The following DENND4A variants were observed in gnomAD, a reference collection of about 807,000 sequenced individuals.
DENND4A encodes C-myc promoter-binding protein.
DENND4A carries 70 observed loss-of-function variants against 199.3 expected under a neutral mutation model. That is an observed-to-expected ratio of 0.35 (90% CI 0.29 to 0.43). The LOEUF is 0.43. Among genes scored for constraint, DENND4A ranks in the 20% least tolerant of loss-of-function variants. The pLI, the probability that DENND4A is intolerant of heterozygous loss-of-function variation, is 1.00. For missense variants in DENND4A, 1,723 were observed against 2,255.8 expected (o/e 0.76, Z 4.78); for synonymous variants, 686 against 766.9 (o/e 0.89, Z 1.74).
At chr15:65,674,815 T>A (rs1371437793) in intron 24 of DENND4A, among the ~76,000 whole-genome samples, 3 of 151,984 alleles carry the variant, frequency 2.0e-5, no homozygotes, top group Non-Finnish European at 4.4e-5. Context: ...ACTTTAGAGA[T>A]ACATATTGAA....
intron 25 of DENND4A, among the ~76,000 whole-genome samples, chr15:65,670,391 A>G (rs1425889517): frequency 6.6e-6 from 1 of 152,224 alleles, no homozygotes; most frequent in African/African-American, 2.4e-5. Context: ...TGAAAGGGAA[A>G]CTTGCTTTTA....
chr15:65,716,317 C>T (rs1274895710), intron 13 of DENND4A, among the ~76,000 whole-genome samples: 7 of 151,192 alleles, frequency 4.6e-5, no homozygotes, highest in Admixed American at 4.0e-4. Context: ...CATATGTATA[C>T]ATGTGCCATG....
chr15:65,664,432 A>G, intron 31 of DENND4A, 38 bp from the exon 32 acceptor site: 2 of 1,519,258 alleles, frequency 1.3e-6, no homozygotes, highest in Non-Finnish European at 1.8e-6. Flanking sequence ...ATTAGTATCC[A>G]TATAGTCCAT....
chr15:65,690,855 C>A lies in DENND4A; in HGVS notation c.3739G>T (p.Asp1247Tyr). ...TACATCACAATTTCTTCAGCTAAAT[C>A]ACGCCTAGCAGATGGTGTTGAAATG... ...KSISTPSARRDLAEEIVMYMN... is the reference protein window; with the variant it reads ...KSISTPSARRYLAEEIVMYMN... Residue 1247 changes from aspartate (D) to tyrosine (Y), a missense_variant, in exon 23 of 33, where the codon GAT becomes TAT. This residue lies in a region of DENND4A where 650 missense variants were observed against 738.1 expected (regional missense o/e 0.88). Coordinates refer to ENST00000443035, the MANE Select transcript of DENND4A (RefSeq NM_001320835.1). The A allele has an allele frequency of 6.2e-7, 1 of 1,612,470 alleles. No homozygotes were observed. Among genetic ancestry groups the A allele is most frequent in the Non-Finnish European group, 8.5e-7 (1 of 1,179,360 alleles).
At chr15:65,739,025 G>A in intron 5 of DENND4A, 150 bp from the exon 6 acceptor site, 1 of 545,544 alleles carries the variant, frequency 1.8e-6, no homozygotes, top group East Asian at 3.3e-5. Context: ...TACTTTGGTA[G>A]GATTCATAGA....
At position 65,713,004 on chromosome 15, in the gene DENND4A, T is replaced by C. The variant is rs539551512; in HGVS notation, c.1953+2474A>G. Among the ~76,000 whole-genome samples, 21 of 152,276 alleles carry C rather than the reference T, an allele frequency of 1.4e-4. No individual in the cohort carries two copies. In the East Asian group the frequency reaches 3.9e-3, roughly 28 times the overall value. ...ACCCATCATCACCCCTGAATACTTT[T>C]ATACTTCCTACAAAGACATTCTCCT... On this transcript the variant is annotated intron_variant, in intron 14 of 32. Transcript: ENST00000443035.
intron 8 of DENND4A, among the ~76,000 whole-genome samples, chr15:65,732,498 C>G (rs528863174): frequency 2.6e-5 from 4 of 152,176 alleles, no homozygotes; most frequent in African/African-American, 9.6e-5. Flanking sequence ...GAAAAAAGTT[C>G]CTTTCTGTGT....
In DENND4A at chr15:65,732,784, G is replaced by C. The variant is rs999522415; in HGVS notation, c.1075C>G (p.Pro359Ala). The C allele has an allele frequency of 5.0e-6, 8 of 1,605,908 alleles. No homozygotes were observed. The highest frequency in any genetic ancestry group is 6.8e-6 in the Non-Finnish European group (8 of 1,173,850). Residue 359 changes from proline to alanine, a missense_variant, in exon 8 of 33, where the codon CCA becomes GCA. Pro to Ala is a conservative substitution (Grantham distance 27). Transcript: ENST00000443035. The part of the protein sequence containing the change: ...ISHFMHKVPF[P>A]SPQRPRILVQ... ...AAAATCCGTGGTCTCTGAGGAGATG[G>C]AAAAGGAACTTTATGCATAAAATGA...
chr15:65,709,109 T>C (rs1054091532), intron 14 of DENND4A, among the ~76,000 whole-genome samples: 4 of 152,226 alleles, frequency 2.6e-5, no homozygotes, highest in Non-Finnish European at 5.9e-5. Flanking sequence ...TTTAATGTTA[T>C]TTATTTTCTA....
intron 1 of DENND4A, among the ~76,000 whole-genome samples, chr15:65,768,506 T>C (rs1366417302): frequency 6.6e-6 from 1 of 152,152 alleles, no homozygotes. Context: ...CTATCTTGAA[T>C]GCTAACAGTA....
intron 1 of DENND4A, among the ~76,000 whole-genome samples, chr15:65,775,172 C>T (rs571553365): frequency 6.6e-6 from 1 of 151,824 alleles, no homozygotes; most frequent in African/African-American, 2.4e-5. Context: ...TTTGAGACCC[C>T]ATCTCTACAA....
At chr15:65,726,500 T>C (rs997126459) in intron 11 of DENND4A, among the ~76,000 whole-genome samples, 18 of 152,172 alleles carry the variant, frequency 1.2e-4, no homozygotes, top group Non-Finnish European at 7.4e-5. Context: ...GTATGTAAAA[T>C]GGCTTTTATG....
At chr15:65,674,439 G>A (rs1189624237) in intron 24 of DENND4A, among the ~76,000 whole-genome samples, 1 of 152,150 alleles carries the variant, frequency 6.6e-6, no homozygotes, top group Non-Finnish European at 1.5e-5. Context: ...TGATTACTCA[G>A]GTGTGCTGAA....
chr15:65,756,101 T>C (rs538827207), intron 3 of DENND4A, 39 bp downstream of exon 3: 3 of 1,501,040 alleles, frequency 2.0e-6, no homozygotes, highest in Admixed American at 2.2e-5. Context: ...GGCATATTAT[T>C]TGGATCAATA....
chr15:65,741,093 G>A (rs910110220), intron 5 of DENND4A, among the ~76,000 whole-genome samples: 1 of 151,918 alleles, frequency 6.6e-6, no homozygotes, highest in African/African-American at 2.4e-5. Context: ...TGGTATATAT[G>A]TATATATTTT....
chr15:65,701,326 G>A lies in DENND4A; in HGVS notation c.2560-134C>T, dbSNP rs1223799835. 4.1e-6 allele frequency: 3 copies of A among 728,776 alleles called. No individual in the cohort carries two copies. In the Admixed American group the frequency reaches 1.1e-4, roughly 27 times the overall value. The allele number at this position is 728,776 out of a possible 1,614,324, so 45.1% of individuals were successfully genotyped here. ...TCATGCCTGTAATCCCAGCAATTTG[G>A]GAGGCTGAGGCAGGTGGATCACTTG... is the stretch of plus-strand genomic sequence containing the variant. On this transcript the variant is annotated intron_variant, in intron 18 of 32. Transcript: ENST00000443035.
intron 23 of DENND4A, among the ~76,000 whole-genome samples, chr15:65,685,835 C>T (rs1325033770): frequency 6.6e-6 from 1 of 152,152 alleles, no homozygotes; most frequent in Non-Finnish European, 1.5e-5. Flanking sequence ...ATTTAAATAA[C>T]CATAAACATA....
intron 11 of DENND4A, among the ~76,000 whole-genome samples, chr15:65,726,719 G>T (rs1453841032): frequency 6.6e-6 from 1 of 152,178 alleles, no homozygotes; most frequent in Non-Finnish European, 1.5e-5. Context: ...CCTTTGGGAG[G>T]CCGAGGCAGG....
In DENND4A at chr15:65,722,860, G is replaced by C. The variant is rs2075689496; in HGVS notation, c.1576C>G (p.Gln526Glu). 6.3e-7 allele frequency: 1 copy of C among 1,595,990 alleles called. No individual in the cohort carries two copies. Among genetic ancestry groups the C allele is most frequent in the South Asian group, 1.1e-5 (1 of 87,654 alleles). ...LMNTLNNLHQ[Q>E]LAKLQQRPRD... ...GTTATCCACTTACATTTTGCCAATTGCTGATGCAAATTATTCAGTGTGTTC... is the reference window on the plus strand; with the variant it reads ...GTTATCCACTTACATTTTGCCAATTCCTGATGCAAATTATTCAGTGTGTTC... The change falls in exon 12 of 33, where the codon CAA becomes GAA. Residue 526 changes from glutamine (Q) to glutamate (E), a missense_variant. Physicochemically the swap from Gln to Glu is conservative, Grantham distance 29. Around this residue, in one of 6 missense-constraint regions of DENND4A, gnomAD observed 725 missense variants for 952.9 expected, o/e 0.76. Transcript: ENST00000443035.
Sources: allele counts gnomAD v4.1 joint callset (sites outside exome capture counted in the v4.1 genomes callset), GRCh38; gene constraint gnomAD v4.1.1; regional missense constraint gnomAD v4.1.1; transcripts MANE v1.5; gene names NCBI Gene and HGNC (gene_info 2026-07-23, HGNC 2026-07-21).